Variants in HIF3A observed in about 807,000 individuals in gnomAD.
HIF3A encodes the protein hypoxia inducible factor 3 subunit alpha.
In HIF3A, 41 loss-of-function variants were observed where a neutral mutation model predicts 67.2. The observed-to-expected ratio is 0.61, with a 90% CI of 0.48 to 0.79. HIF3A has a LOEUF of 0.79. HIF3A is among the 30% of genes least tolerant of loss of function. HIF3A has a pLI of 0.00. For missense variants in HIF3A, 855 were observed against 898.0 expected (o/e 0.95, Z 0.61); for synonymous variants, 356 against 374.8 (o/e 0.95, Z 0.58).
intron 8 of HIF3A, among the ~76,000 whole-genome samples, chr19:46,319,185 G>A (rs1464323108): frequency 2.6e-5 from 4 of 152,302 alleles, no homozygotes; most frequent in South Asian, 4.1e-4. Context: ...TCCTGTTTGT[G>A]CCTGTGTGTA....
chr19:46,307,641 G>A (rs530329594), intron 3 of HIF3A, among the ~76,000 whole-genome samples: 15 of 151,924 alleles, frequency 9.9e-5, no homozygotes, highest in African/African-American at 3.1e-4. Flanking sequence ...CCAGCTACTC[G>A]GGAGGCTGAG....
At chr19:46,326,452 G>A (rs1970786819) in intron 11 of HIF3A, among the ~76,000 whole-genome samples, 1 of 152,114 alleles carries the variant, frequency 6.6e-6, no homozygotes, top group South Asian at 2.1e-4. Flanking sequence ...CACTGTGGGA[G>A]GCAATAACAT....
At chr19:46,330,776 GTGGATGGA>G (rs111371861) in intron 12 of HIF3A, among the ~76,000 whole-genome samples, 18,609 of 145,014 alleles carry the variant, frequency 0.13, 1,432 homozygotes, top group African/African-American at 0.2. Context: ...GGGTGGATCA[GTGGATGGA>G]TGGATGGATG....
At chr19:46,307,017 G>A (rs1968910252) in intron 3 of HIF3A, among the ~76,000 whole-genome samples, 1 of 152,080 alleles carries the variant, frequency 6.6e-6, no homozygotes, top group African/African-American at 2.4e-5. Flanking sequence ...TCATCTCGGG[G>A]CCTTGCGCTT....
chr19:46,335,974 G>A (rs181797224), intron 14 of HIF3A, among the ~76,000 whole-genome samples: 12 of 151,660 alleles, frequency 7.9e-5, no homozygotes, highest in African/African-American at 2.4e-4. Context: ...CCAGGAGTTC[G>A]AGGCTGCAGT....
chr19:46,315,773 G>C (rs1357079516), intron 8 of HIF3A, among the ~76,000 whole-genome samples: 1 of 152,042 alleles, frequency 6.6e-6, no homozygotes, highest in African/African-American at 2.4e-5. Flanking sequence ...AATTAGCCAG[G>C]TGTGGTAGCA....
In HIF3A at chr19:46,339,766, C is replaced by G. The variant is rs902155488; in HGVS notation, c.*144C>G. Reference sequence around the variant, plus strand: ...TACCCCCTGCCCACCTCGGGCCTACCTCAGCCCTCACCCCTCTGCCTGCTC... The same window carrying G: ...TACCCCCTGCCCACCTCGGGCCTACGTCAGCCCTCACCCCTCTGCCTGCTC... On this transcript the variant is annotated 3_prime_UTR_variant, in exon 15 of 15. Coordinates refer to ENST00000377670, the MANE Select transcript of HIF3A (RefSeq NM_152795.4). 7 of 500,942 alleles carry G rather than the reference C, an allele frequency of 1.4e-5. No homozygotes were observed. In the Admixed American group the frequency reaches 2.6e-4, roughly 18 times the overall value. The allele number at this position is 500,942 out of a possible 1,614,324, so 31.0% of individuals were successfully genotyped here. A position where few individuals can be genotyped will look rare whatever the true frequency, so the allele number is the denominator to read the frequency against.
chr19:46,319,254 G>T (rs1157647162), intron 8 of HIF3A, among the ~76,000 whole-genome samples: 2 of 152,130 alleles, frequency 1.3e-5, no homozygotes, highest in Non-Finnish European at 2.9e-5. Context: ...AATAAGGGTG[G>T]CTTTGATCCA....
Position 46,329,392 on chromosome 19 carries a change from C to T in HIF3A, c.1626C>T (p.Arg542=), listed in dbSNP as rs991776209. The change falls in exon 12 of 15, where the codon CGC becomes CGT. Residue 542 remains arginine, a synonymous_variant. Coordinates refer to ENST00000377670, the MANE Select transcript of HIF3A (RefSeq NM_152795.4). Reference sequence around the variant, plus strand: ...CCCTTGAGCCCTCCCTGCTACCCCGCTGGGGGAGTGACCCCCGGCTGAGCT... The same window carrying T: ...CCCTTGAGCCCTCCCTGCTACCCCGTTGGGGGAGTGACCCCCGGCTGAGCT... ...PPALEPSLLP[R]WGSDPRLSCS... is the part of the protein sequence containing the mutation. 28 of 1,609,220 alleles carry T rather than the reference C, an allele frequency of 1.7e-5. No individual in the cohort carries two copies. Among genetic ancestry groups the T allele is most frequent in the Middle Eastern group, 1.7e-4 (1 of 6,058 alleles).
chr19:46,313,638 A>C (rs1969668163), intron 8 of HIF3A, among the ~76,000 whole-genome samples: 1 of 151,144 alleles, frequency 6.6e-6, no homozygotes, highest in Admixed American at 6.6e-5. Context: ...TAGTGTGATT[A>C]TAATAGTGGT....
At position 46,334,075 on chromosome 19, in the gene HIF3A, G is replaced by A. The variant is rs150837638; in HGVS notation, c.1831-830G>A. ...CCCAAAGTGCTGGGATTACAGGCGT[G>A]AGCCACCGCGCCCGGCCTCTTTTCT... On this transcript the variant is annotated intron_variant, in intron 13 of 14. Transcript: ENST00000377670. Among the ~76,000 whole-genome samples, 564 of 150,602 alleles carry A rather than the reference G, an allele frequency of 3.7e-3. 1 individual carries two copies. The highest frequency in any genetic ancestry group is 6.1e-3 in the Non-Finnish European group (411 of 67,768).
At chr19:46,329,616 C>T (rs1971042079) in intron 12 of HIF3A, 138 bp downstream of exon 12, 3 of 1,082,768 alleles carry the variant, frequency 2.8e-6, no homozygotes, top group Non-Finnish European at 3.7e-6. Context: ...GGGCCCAGCA[C>T]ATGCCAAGTT....
intron 1 of HIF3A, 190 bp from the exon 2 acceptor site, chr19:46,303,708 G>A: frequency 1.3e-6 from 2 of 1,573,314 alleles, no homozygotes; most frequent in Non-Finnish European, 1.7e-6. Context: ...GGCTAGGAAG[G>A]GCTCCACAGT....
chr19:46,305,473 A>T, intron 3 of HIF3A, 83 bp downstream of exon 3: 1 of 1,316,718 alleles, frequency 7.6e-7, no homozygotes, highest in Non-Finnish European at 1.1e-6. Context: ...CCATAGCCCT[A>T]CCTTTATGGG....
chr19:46,328,013 A>G (rs1051651159), intron 11 of HIF3A, among the ~76,000 whole-genome samples: 1 of 152,218 alleles, frequency 6.6e-6, no homozygotes, highest in African/African-American at 2.4e-5. Context: ...GTTTCATTGC[A>G]TAGGCATGAT....
At chr19:46,313,734 C>T (rs907089774) in intron 8 of HIF3A, among the ~76,000 whole-genome samples, 4 of 149,678 alleles carry the variant, frequency 2.7e-5, no homozygotes, top group East Asian at 2.0e-4. Flanking sequence ...GGCACGATCT[C>T]GGCTCACTTC....
rs79812966 is a variant in HIF3A, at chr19:46,329,485, C to T, written c.1712+7C>T. 7.7e-4 allele frequency: 1,158 copies of T among 1,507,148 alleles called. 12 individuals carry two copies. The African/African-American group carries it at 0.014, about 19-fold the overall frequency. The allele number at this position is 1,507,148 out of a possible 1,614,324, so 93.4% of individuals were successfully genotyped here. On this transcript the variant is annotated splice_region_variant and intron_variant, in intron 12 of 14. Transcript: ENST00000377670. The stretch of plus-strand genomic sequence containing the variant: ...TGGCTGGGGCTCGGAAGAGGTGAGC[C>T]ACAGTAAAGGGGGGACATCAAGGCA...
chr19:46,298,667 T>C (rs183059163), intron 1 of HIF3A, among the ~76,000 whole-genome samples: 5 of 152,232 alleles, frequency 3.3e-5, no homozygotes, highest in African/African-American at 9.6e-5. Flanking sequence ...CCGGAGAAGA[T>C]AGGATTTTGG....
chr19:46,330,042 A>AGG (rs1483198075), intron 12 of HIF3A, among the ~76,000 whole-genome samples: 1 of 137,740 alleles, frequency 7.3e-6, no homozygotes, highest in Non-Finnish European at 1.6e-5. Flanking sequence ...GAAGGAAGGA[A>AGG]GGGAAGGAGG....
Sources: gnomAD v4.1 joint callset for allele counts (sites outside exome capture counted in the v4.1 genomes callset) on GRCh38, gnomAD v4.1.1 for gene constraint, MANE v1.5 for transcripts, NCBI Gene and HGNC (gene_info 2026-07-23, HGNC 2026-07-21) for gene names.